The following ANKRD6 variants were observed in gnomAD, a reference collection of about 807,000 sequenced individuals.
The protein encoded by ANKRD6 is ankyrin repeat domain 6.
In ANKRD6, 56 loss-of-function variants were observed where a neutral mutation model predicts 82.3. That is an observed-to-expected ratio of 0.68 (90% confidence interval 0.55 to 0.85). ANKRD6 has a LOEUF of 0.85. Ranked by LOEUF, ANKRD6 falls within the 40% of genes least tolerant of loss-of-function variation. The pLI, the probability that ANKRD6 is intolerant of heterozygous loss-of-function variation, is 0.00. For synonymous variants in ANKRD6, 347 were observed against 352.1 expected (o/e 0.99, Z 0.16); for missense variants, 852 against 907.6 (o/e 0.94, Z 0.79).
At chr6:89,450,994 G>T (rs1461125341) in intron 1 of ANKRD6, among the ~76,000 whole-genome samples, 1 of 152,086 alleles carries the variant, frequency 6.6e-6, no homozygotes. Context: ...TATCTCCAAG[G>T]TATGCCTCTA....
intron 8 of ANKRD6, chr6:89,616,979 A>G (rs922234920): frequency 1.2e-5 from 6 of 506,656 alleles, no homozygotes; most frequent in East Asian, 5.4e-5. Context: ...CTGTAAATGC[A>G]TGTGATGCTC....
chr6:89,506,795 A>G (rs1243343681), intron 1 of ANKRD6, among the ~76,000 whole-genome samples: 1 of 152,176 alleles, frequency 6.6e-6, no homozygotes, highest in Non-Finnish European at 1.5e-5. Context: ...CCCGATCTCT[A>G]GCTGCAAGGT....
chr6:89,541,019 G>T (rs1383786435), intron 1 of ANKRD6, among the ~76,000 whole-genome samples: 1 of 152,048 alleles, frequency 6.6e-6, no homozygotes, highest in Non-Finnish European at 1.5e-5. Context: ...TGCTGTTTTG[G>T]TTACTATAGC....
rs766670745 is a variant in ANKRD6, at chr6:89,616,801, T to C, written c.714+144T>C. 81 of 841,958 alleles carry C rather than the reference T, an allele frequency of 9.6e-5. 6 individuals are homozygous for C. Among genetic ancestry groups the C allele is most frequent in the South Asian group, 7.3e-4 (51 of 70,228 alleles). 52.2% of individuals were successfully genotyped at this position (841,958 alleles called of 1,614,324 possible). Reference sequence around the variant, plus strand: ...GCTGGAACCACAGCCCCCAGGGCCATTGGGGTGGACTTGAAGGGTACCCCT... The same window carrying C: ...GCTGGAACCACAGCCCCCAGGGCCACTGGGGTGGACTTGAAGGGTACCCCT... On this transcript the variant is annotated intron_variant, in intron 8 of 15. Transcript: ENST00000339746.
In ANKRD6 at chr6:89,529,790, G is replaced by C. The variant is rs147377527; in HGVS notation, c.-143-37044G>C. On this transcript the variant is annotated intron_variant, in intron 1 of 15. Transcript: ENST00000339746. ...GTCTCAGCAAATAGGGAGGCCCAAG[G>C]AGAGGGAGAGAGAAGGGGAACCAGG... 4.1e-3 allele frequency among the ~76,000 whole-genome samples: 619 copies of C among 152,278 alleles called. 5 individuals are homozygous for C. Among genetic ancestry groups the C allele is most frequent in the African/African-American group, 0.013 (546 of 41,556 alleles).
At chr6:89,599,951 AGGAC>A (rs1337236610) in intron 3 of ANKRD6, among the ~76,000 whole-genome samples, 1 of 152,116 alleles carries the variant, frequency 6.6e-6, no homozygotes, top group Non-Finnish European at 1.5e-5. Flanking sequence ...TCTGTCTGAG[AGGAC>A]GGCTGGAGGG....
chr6:89,501,158 A>G (rs1779219168), intron 1 of ANKRD6, among the ~76,000 whole-genome samples: 1 of 152,106 alleles, frequency 6.6e-6, no homozygotes, highest in African/African-American at 2.4e-5. Context: ...ATTGAGGTTT[A>G]CTTGTCTTTA....
At chr6:89,540,678 G>A (rs941778069) in intron 1 of ANKRD6, among the ~76,000 whole-genome samples, 11 of 152,162 alleles carry the variant, frequency 7.2e-5, no homozygotes, top group African/African-American at 1.9e-4. Context: ...GTGCTTGCGG[G>A]GTATTGCTCA....
At chr6:89,466,975 G>A (rs1774919873) in intron 1 of ANKRD6, among the ~76,000 whole-genome samples, 1 of 152,130 alleles carries the variant, frequency 6.6e-6, no homozygotes, top group Non-Finnish European at 1.5e-5. Context: ...CCAAAGTGCT[G>A]GGATTTCAGG....
chr6:89,520,806 A>G (rs1407431952), intron 1 of ANKRD6, among the ~76,000 whole-genome samples: 1 of 152,230 alleles, frequency 6.6e-6, no homozygotes, highest in Admixed American at 6.5e-5. Flanking sequence ...ATGGCACAAT[A>G]AACATTTGTC....
rs1454381035 is a variant in ANKRD6, at chr6:89,632,028, T to C, written c.*1024T>C. ...CAGAAGACTTTACTTTGTTCCATAA[T>C]GAAATATAAACACAGAACAAAGTTG... On this transcript the variant is annotated 3_prime_UTR_variant, in exon 16 of 16. Transcript: ENST00000339746. 6.6e-6 allele frequency: 1 copy of C among 152,230 alleles called. No individual in the cohort carries two copies. Among genetic ancestry groups the C allele is most frequent in the Non-Finnish European group, 1.5e-5 (1 of 68,030 alleles). 9.4% of individuals were successfully genotyped at this position (152,230 alleles called of 1,614,324 possible). A position where few individuals can be genotyped will look rare whatever the true frequency, so the allele number is the denominator to read the frequency against.
intron 13 of ANKRD6, 114 bp from the exon 14 acceptor site, chr6:89,627,469 A>G: frequency 1.3e-6 from 1 of 747,484 alleles, no homozygotes; most frequent in Non-Finnish European, 2.2e-6. Flanking sequence ...AAGGGGTTGA[A>G]GTTTGCATGC....
intron 8 of ANKRD6, chr6:89,617,021 CAGCTTCAAAATT>C (rs1368694331): frequency 4.5e-6 from 2 of 446,156 alleles, no homozygotes; most frequent in Admixed American, 2.5e-5. Context: ...TCAGTTTAGT[CAGCTTCAAAATT>C]CTAAAGCAAC....
chr6:89,613,802 C>A lies in ANKRD6; in HGVS notation c.527C>A (p.Thr176Asn), dbSNP rs575602422. Residue 176 changes from threonine (T) to asparagine (N), a missense_variant, in exon 7 of 16, where the codon ACC becomes AAC. Thr to Asn is a moderately conservative substitution (Grantham distance 65). Transcript: ENST00000339746. The part of the protein sequence containing the change: ...RADLKNNAGD[T>N]CLHVAARYNH... ...GATTTTTGTCCGCAGGCAGGAGACA[C>A]CTGTTTGCACGTTGCTGCGCGCTAT... The A allele has an allele frequency of 1.6e-4, 259 of 1,614,010 alleles. 1 individual carries two copies. Among genetic ancestry groups the A allele is most frequent in the South Asian group, 7.6e-4 (69 of 91,078 alleles).
chr6:89,624,119 C>T (rs561552986), intron 12 of ANKRD6, 62 bp downstream of exon 12: 103 of 1,497,618 alleles, frequency 6.9e-5, no homozygotes, highest in East Asian at 3.9e-4. Context: ...TTTTGTTTAA[C>T]GGCATTCCTG....
At chr6:89,527,601 C>CAAAAAAAAA (rs35855223) in intron 1 of ANKRD6, among the ~76,000 whole-genome samples, 3 of 45,680 alleles carry the variant, frequency 6.6e-5, no homozygotes, top group African/African-American at 8.7e-5. Flanking sequence ...GACTCCGTCT[C>CAAAAAAAAA]AAAAAAAAAA....
intron 3 of ANKRD6, among the ~76,000 whole-genome samples, chr6:89,599,365 C>T (rs1796587461): frequency 6.6e-6 from 1 of 152,048 alleles, no homozygotes; most frequent in African/African-American, 2.4e-5. Flanking sequence ...AGAGTGAGAC[C>T]CTGTCTCAAA....
intron 1 of ANKRD6, among the ~76,000 whole-genome samples, chr6:89,543,649 C>G (rs959570954): frequency 6.6e-6 from 1 of 152,170 alleles, no homozygotes; most frequent in African/African-American, 2.4e-5. Context: ...ATGAACTGTG[C>G]GTGTGGGTAT....
At chr6:89,625,143 TG>T (rs1252841480) in intron 13 of ANKRD6, among the ~76,000 whole-genome samples, 1 of 151,934 alleles carries the variant, frequency 6.6e-6, no homozygotes, top group Non-Finnish European at 1.5e-5. Context: ...ATTAGCCTGG[TG>T]TGGTGGCACA....
Sources: gnomAD v4.1 joint callset for allele counts (sites outside exome capture counted in the v4.1 genomes callset) on GRCh38, gnomAD v4.1.1 for gene constraint, MANE v1.5 for transcripts, NCBI Gene and HGNC (gene_info 2026-07-23, HGNC 2026-07-21) for gene names.